Variants in CDH12 observed in about 807,000 individuals in gnomAD.
CDH12 encodes cadherin 12.
Under a neutral mutation model 74.1 loss-of-function variants are expected in CDH12, and 41 were observed. The ratio of observed to expected loss-of-function variants is 0.55; its 90% CI spans 0.43 to 0.72. CDH12 has a LOEUF of 0.72. Among genes scored for constraint, CDH12 ranks in the 30% least tolerant of loss-of-function variants. The pLI is 0.00. For missense variants in CDH12, 945 were observed against 977.2 expected (o/e 0.97, Z 0.44); for synonymous variants, 399 against 355.0 (o/e 1.12, Z -1.39).
At chr5:22,047,575 T>TAG in intron 5 of CDH12, among the ~76,000 whole-genome samples, 2 of 151,772 alleles carry the variant, frequency 1.3e-5, no homozygotes, top group African/African-American at 4.8e-5. Context: ...ATTGAGTACA[T>TAG]CTTTCTGCCA....
At chr5:21,970,271 A>T (rs1756779493) in intron 6 of CDH12, among the ~76,000 whole-genome samples, 1 of 152,028 alleles carries the variant, frequency 6.6e-6, no homozygotes, top group African/African-American at 2.4e-5. Context: ...CTTCTGAAAA[A>T]ACTCTGCTTT....
At chr5:21,825,793 A>G (rs1005215692) in intron 8 of CDH12, among the ~76,000 whole-genome samples, 1 of 152,138 alleles carries the variant, frequency 6.6e-6, no homozygotes, top group African/African-American at 2.4e-5. Context: ...AGACTCTACA[A>G]TTACGGTTTT....
intron 1 of CDH12, among the ~76,000 whole-genome samples, chr5:22,517,686 A>T (rs887082028): frequency 3.3e-5 from 5 of 152,224 alleles, no homozygotes; most frequent in Admixed American, 6.5e-5. Context: ...AAAATTGCAC[A>T]GGACATCAGA....
At chr5:22,709,039 A>G (rs1182640813) in intron 1 of CDH12, among the ~76,000 whole-genome samples, 1 of 152,082 alleles carries the variant, frequency 6.6e-6, no homozygotes, top group Non-Finnish European at 1.5e-5. Flanking sequence ...AAAAAGAAAG[A>G]GGGATGCTCA....
chr5:22,462,310 T>G (rs2126587810), intron 2 of CDH12, among the ~76,000 whole-genome samples: 1 of 152,232 alleles, frequency 6.6e-6, no homozygotes, highest in African/African-American at 2.4e-5. Flanking sequence ...AGAAAGTAGT[T>G]AAAACCAGGG....
At chr5:22,756,419 T>G (rs771205781) in intron 1 of CDH12, among the ~76,000 whole-genome samples, 31 of 152,316 alleles carry the variant, frequency 2.0e-4, no homozygotes, top group Non-Finnish European at 4.1e-4. Flanking sequence ...GTTAATTCTC[T>G]ATTCCATCCT....
intron 1 of CDH12, among the ~76,000 whole-genome samples, chr5:22,781,302 T>G (rs1747371683): frequency 6.6e-6 from 1 of 152,214 alleles, no homozygotes; most frequent in Non-Finnish European, 1.5e-5. Flanking sequence ...TAAATATTTT[T>G]GCATGGTCTA....
intron 1 of CDH12, among the ~76,000 whole-genome samples, chr5:22,820,076 T>A (rs1162523901): frequency 6.7e-6 from 1 of 148,602 alleles, no homozygotes; most frequent in Non-Finnish European, 1.5e-5. Context: ...AGGCAGTGGG[T>A]TTAATAGCAG....
At chr5:22,153,405 G>T (rs186781834) in intron 4 of CDH12, among the ~76,000 whole-genome samples, 2 of 151,358 alleles carry the variant, frequency 1.3e-5, no homozygotes, top group Non-Finnish European at 1.5e-5. Flanking sequence ...TATTATCTAG[G>T]GTCTTAACCA....
intron 3 of CDH12, among the ~76,000 whole-genome samples, chr5:22,355,097 C>T (rs1254611680): frequency 1.3e-5 from 2 of 152,224 alleles, no homozygotes; most frequent in African/African-American, 4.8e-5. Context: ...TATAGTGGGG[C>T]ATTCATTTTG....
intron 3 of CDH12, among the ~76,000 whole-genome samples, chr5:22,375,356 CA>C (rs2126359953): frequency 6.6e-6 from 1 of 152,094 alleles, no homozygotes; most frequent in African/African-American, 2.4e-5. Flanking sequence ...AAAAGAAATA[CA>C]AGAAAAATAC....
chr5:22,588,205 T>C (rs1740511195), intron 1 of CDH12, among the ~76,000 whole-genome samples: 1 of 151,762 alleles, frequency 6.6e-6, no homozygotes, highest in Non-Finnish European at 1.5e-5. Context: ...TGTGTAGAAA[T>C]GGAATAGACA....
chr5:22,619,466 A>G (rs148927862), intron 1 of CDH12, among the ~76,000 whole-genome samples: 8 of 152,164 alleles, frequency 5.3e-5, no homozygotes, highest in Non-Finnish European at 1.2e-4. Flanking sequence ...TTGTCTCTGA[A>G]TTCTGAATAC....
At chr5:21,830,301 C>T (rs1028220492) in intron 8 of CDH12, among the ~76,000 whole-genome samples, 3 of 146,604 alleles carry the variant, frequency 2.0e-5, no homozygotes, top group African/African-American at 7.5e-5. Flanking sequence ...ACCACTTGTT[C>T]ATCTCCACTC....
At chr5:22,495,245 A>C (rs1747054613) in intron 2 of CDH12, among the ~76,000 whole-genome samples, 1 of 152,216 alleles carries the variant, frequency 6.6e-6, no homozygotes, top group Non-Finnish European at 1.5e-5. Flanking sequence ...GAATTTCTCC[A>C]TCTGCCTCAT....
chr5:22,032,745 A>T (rs1176619473), intron 5 of CDH12, among the ~76,000 whole-genome samples: 1 of 136,930 alleles, frequency 7.3e-6, no homozygotes, highest in Non-Finnish European at 1.5e-5. Context: ...TTGTATATAT[A>T]CATATTTATA....
chr5:22,315,714 A>C (rs543935016), intron 3 of CDH12, among the ~76,000 whole-genome samples: 1 of 152,236 alleles, frequency 6.6e-6, no homozygotes, highest in East Asian at 1.9e-4. Context: ...TGGGACAATA[A>C]TTTTTGGGCT....
rs537870060 is a variant in CDH12, at chr5:22,060,150, G to A, written c.231+18296C>T. ...CAAACAAAAAAGAAGAACAAAGAAT[G>A]AGTTCATGTCCTTTGCAGGGACATG... On this transcript the variant is annotated intron_variant, in intron 5 of 14. Coordinates refer to ENST00000382254, the MANE Select transcript of CDH12 (RefSeq NM_004061.5). 2.6e-5 allele frequency among the ~76,000 whole-genome samples: 4 copies of A among 152,198 alleles called. No individual in the cohort carries two copies. The East Asian group carries it at 7.7e-4, about 29-fold the overall frequency.
chr5:22,690,833 C>G (rs944681525), intron 1 of CDH12, among the ~76,000 whole-genome samples: 1 of 152,038 alleles, frequency 6.6e-6, no homozygotes, highest in Non-Finnish European at 1.5e-5. Flanking sequence ...TTATTATTCT[C>G]TTATAAACAG....
Sources: gnomAD v4.1 joint callset for allele counts (sites outside exome capture counted in the v4.1 genomes callset) on GRCh38, gnomAD v4.1.1 for gene constraint, MANE v1.5 for transcripts, NCBI Gene and HGNC (gene_info 2026-07-23, HGNC 2026-07-21) for gene names.